Variants in LRRC49 observed in about 807,000 individuals in gnomAD.
LRRC49 encodes leucine rich repeat containing 49.
Under a neutral mutation model 83.3 loss-of-function variants are expected in LRRC49, and 50 were observed. That is an observed-to-expected ratio of 0.60 (90% confidence interval 0.48 to 0.76). LRRC49 has a LOEUF of 0.76. Ranked by LOEUF, LRRC49 falls within the 30% of genes least tolerant of loss-of-function variation. The pLI is 0.00. For missense variants in LRRC49, 704 were observed against 809.1 expected (o/e 0.87, Z 1.58); for synonymous variants, 286 against 283.3 (o/e 1.01, Z -0.10).
chr15:71,042,472 G>A (rs1423005066), intron 15 of LRRC49, among the ~76,000 whole-genome samples: 1 of 152,140 alleles, frequency 6.6e-6, no homozygotes. Context: ...AGGAGATGTG[G>A]ATTTGAGCCC....
intron 8 of LRRC49, among the ~76,000 whole-genome samples, chr15:70,940,863 A>G (rs1010204412): frequency 2.0e-5 from 3 of 152,230 alleles, no homozygotes; most frequent in African/African-American, 7.2e-5. Context: ...TTTCATTATC[A>G]GTACCCATTT....
At chr15:70,940,928 TCAGA>T (rs568241363) in intron 8 of LRRC49, among the ~76,000 whole-genome samples, 102 of 152,314 alleles carry the variant, frequency 6.7e-4, no homozygotes, top group African/African-American at 2.4e-3. Flanking sequence ...TGATTCGCCT[TCAGA>T]CAAACATTTA....
intron 8 of LRRC49, among the ~76,000 whole-genome samples, chr15:70,939,969 T>G (rs2141163122): frequency 6.6e-6 from 1 of 151,918 alleles, no homozygotes; most frequent in East Asian, 1.9e-4. Context: ...CTTTGGGGTG[T>G]GACTTTTCCT....
rs139149647 is a variant in LRRC49, at chr15:71,045,976, A to C, written c.1858-3433A>C. On this transcript the variant is annotated intron_variant, in intron 15 of 15. Transcript: ENST00000260382. ...TTTCTGTTTCTGCATTAATTTGCTT[A>C]AGATTATGGCCTCCAGTTCCATCTA... Among the ~76,000 whole-genome samples, 440 of 152,318 alleles carry C rather than the reference A, an allele frequency of 2.9e-3. 2 individuals are homozygous for C. The highest frequency in any genetic ancestry group is 4.9e-3 in the Non-Finnish European group (334 of 68,026).
chr15:70,994,716 C>T (rs2038018774), intron 11 of LRRC49, among the ~76,000 whole-genome samples: 2 of 152,190 alleles, frequency 1.3e-5, no homozygotes, highest in Non-Finnish European at 2.9e-5. Flanking sequence ...CTCAAGTGAT[C>T]TGCCTGCCTT....
chr15:70,857,631 A>G (rs539558929), intron 1 of LRRC49, among the ~76,000 whole-genome samples: 1 of 152,348 alleles, frequency 6.6e-6, no homozygotes, highest in African/African-American at 2.4e-5. Context: ...TGCCTGAGAC[A>G]TGATCCATGA....
At chr15:70,893,045 G>A in intron 1 of LRRC49, 103 bp downstream of exon 1, 3 of 1,319,158 alleles carry the variant, frequency 2.3e-6, no homozygotes. Context: ...GGCACCGCTG[G>A]GTCTACTCAA....
rs1294856578 is a variant in LRRC49 at position 71,053,338 on chromosome 15, AT to A, written c.*3728del. ...GTTTTTGGCTTGAACTACCGAAAAGATTGAGTTGCCATCAACTGAGATGAGA... is the reference window on the plus strand; with the variant it reads ...GTTTTTGGCTTGAACTACCGAAAAGATGAGTTGCCATCAACTGAGATGAGA... On this transcript the variant is annotated 3_prime_UTR_variant, in exon 16 of 16. Coordinates refer to ENST00000260382, the MANE Select transcript of LRRC49 (RefSeq NM_017691.5). 5 of 152,346 alleles carry A rather than the reference AT, an allele frequency of 3.3e-5. No homozygotes were observed. Among genetic ancestry groups the A allele is most frequent in the South Asian group, 2.1e-4 (1 of 4,832 alleles). The allele number at this position is 152,346 out of a possible 1,614,324, so 9.4% of individuals were successfully genotyped here.
intron 11 of LRRC49, among the ~76,000 whole-genome samples, chr15:71,003,787 A>T (rs772330845): frequency 2.4e-4 from 36 of 152,256 alleles, no homozygotes; most frequent in African/African-American, 8.2e-4. Flanking sequence ...GTCATCAGTT[A>T]CCAATGGCAG....
At chr15:70,997,978 T>C (rs910183975) in intron 11 of LRRC49, among the ~76,000 whole-genome samples, 1 of 152,170 alleles carries the variant, frequency 6.6e-6, no homozygotes, top group Admixed American at 6.5e-5. Context: ...TACCATACAT[T>C]TTCTAGCTAT....
intron 9 of LRRC49, among the ~76,000 whole-genome samples, chr15:70,979,586 A>G (rs1246387377): frequency 6.6e-6 from 1 of 152,118 alleles, no homozygotes; most frequent in Non-Finnish European, 1.5e-5. Flanking sequence ...GAGACTGGGC[A>G]ACACAATTTA....
intron 1 of LRRC49, among the ~76,000 whole-genome samples, chr15:70,856,248 G>GA (rs1011939547): frequency 6.6e-6 from 1 of 151,944 alleles, no homozygotes; most frequent in Admixed American, 6.6e-5. Context: ...TGAGAGTTTT[G>GA]AAAAAAAGAA....
Position 70,893,495 on chromosome 15 carries a change from G to A in LRRC49, c.49-89G>A, listed in dbSNP as rs148646157. ...ATAGAGCATTGTGTTCTATTTTTTT[G>A]TTGTATTTCTGTTTGTACCTTTTTT... On this transcript the variant is annotated intron_variant, in intron 1 of 15. Transcript: ENST00000260382. 534 of 763,212 alleles carry A rather than the reference G, an allele frequency of 7.0e-4. 7 individuals carry two copies. The African/African-American group carries it at 9.3e-3, about 13-fold the overall frequency. The allele number at this position is 763,212 out of a possible 1,614,324, so 47.3% of individuals were successfully genotyped here.
chr15:70,945,497 C>T (rs371097872), intron 8 of LRRC49, among the ~76,000 whole-genome samples: 15 of 147,382 alleles, frequency 1.0e-4, no homozygotes, highest in East Asian at 6.0e-4. Context: ...ATCAACAATA[C>T]ATTCTTTCTG....
At chr15:70,936,156 T>G (rs997819397) in intron 7 of LRRC49, among the ~76,000 whole-genome samples, 3 of 152,070 alleles carry the variant, frequency 2.0e-5, no homozygotes, top group Admixed American at 6.6e-5. Flanking sequence ...TAGGGTAGAT[T>G]TCCTATTTTA....
chr15:71,048,855 T>C (rs1282390282), intron 15 of LRRC49: 1 of 456,084 alleles, frequency 2.2e-6, no homozygotes, highest in East Asian at 6.9e-5. Flanking sequence ...CAGGTTTCTA[T>C]ATGTTTACTC....
intron 3 of LRRC49, chr15:70,900,341 T>G: frequency 2.6e-6 from 1 of 389,902 alleles, no homozygotes; most frequent in Non-Finnish European, 5.1e-6. Flanking sequence ...TTGGCAATAT[T>G]CTCTACTAAT....
At chr15:71,032,566 A>T (rs1406134276) in intron 14 of LRRC49, among the ~76,000 whole-genome samples, 1 of 152,168 alleles carries the variant, frequency 6.6e-6, no homozygotes, top group Non-Finnish European at 1.5e-5. Context: ...CAAAATAGAA[A>T]ACTTCAGGCC....
chr15:70,989,680 G>A (rs1051317652), intron 11 of LRRC49, among the ~76,000 whole-genome samples: 2 of 152,194 alleles, frequency 1.3e-5, no homozygotes, highest in African/African-American at 2.4e-5. Flanking sequence ...GTGAGGAGCT[G>A]TGTTACTTTG....
Sources: gnomAD v4.1 joint callset for allele counts (sites outside exome capture counted in the v4.1 genomes callset) on GRCh38, gnomAD v4.1.1 for gene constraint, MANE v1.5 for transcripts, NCBI Gene and HGNC (gene_info 2026-07-23, HGNC 2026-07-21) for gene names.